FRAS1: variants seen among roughly 807,000 people sequenced by gnomAD.
The protein encoded by FRAS1 is extracellular matrix organizing protein FRAS1.
In FRAS1, 290 loss-of-function variants were observed where a neutral mutation model predicts 435.2. That is an observed-to-expected ratio of 0.67 (90% CI 0.61 to 0.73). The LOEUF (loss-of-function observed/expected upper bound fraction) is 0.73. Among genes scored for constraint, FRAS1 ranks in the 30% least tolerant of loss-of-function variants. The pLI, the probability that FRAS1 is intolerant of heterozygous loss-of-function variation, is 0.00. For synonymous variants in FRAS1, 1,800 were observed against 1,851.0 expected, an observed-to-expected ratio of 0.97 and a Z score of 0.71; for missense variants, 4,860 against 5,001.5, an observed-to-expected ratio of 0.97 and a Z score of 0.85.
chr4:78,534,488 T>C lies in FRAS1; in HGVS notation c.10965T>C (p.Pro3655=). The stretch of plus-strand genomic sequence containing the variant: ...TTGCATTCCAGCAGACCAACCGCCC[T>C]GTGCCAGTTGTGTATTCACTTAACA... ...IPIAFQQTNR[P]VPVVYSLNTE... The change falls in exon 71 of 74, where the codon CCT becomes CCC. Residue 3655 remains proline, a synonymous_variant. Coordinates refer to ENST00000512123, the MANE Select transcript of FRAS1 (RefSeq NM_025074.7). The C allele has an allele frequency of 6.2e-7, 1 of 1,613,714 alleles. No individual in the cohort carries two copies. The highest frequency in any genetic ancestry group is 1.1e-5 in the South Asian group (1 of 91,028).
chr4:78,534,594 T>C lies in FRAS1; in HGVS notation c.11071T>C (p.Tyr3691His), dbSNP rs761174927. 6.2e-7 allele frequency: 1 copy of C among 1,613,072 alleles called. No individual in the cohort carries two copies. Among genetic ancestry groups the C allele is most frequent in the Non-Finnish European group, 8.5e-7 (1 of 1,179,352 alleles). The change falls in exon 71 of 74, where the codon TAC becomes CAC. Residue 3691 changes from tyrosine (Y) to histidine (H), a missense_variant. Physicochemically the swap from Tyr to His is moderately conservative, Grantham distance 83. Coordinates refer to ENST00000512123, the MANE Select transcript of FRAS1 (RefSeq NM_025074.7). Reference protein sequence around the residue: ...TSDMSLAEMDYKGAFSKGQIL... With the variant: ...TSDMSLAEMDHKGAFSKGQIL... ...TGATATGTCACTAGCAGAAATGGAT[T>C]ACAAAGGAGCCTTTTCAAAAGGTGA...
intron 12 of FRAS1, among the ~76,000 whole-genome samples, chr4:78,283,937 G>T (rs182587878): frequency 2.0e-5 from 3 of 152,146 alleles, no homozygotes; most frequent in African/African-American, 7.2e-5. Context: ...TTGAAATTTT[G>T]GAGAAAAAGA....
intron 37 of FRAS1, 134 bp from the exon 38 acceptor site, chr4:78,432,223 G>A (rs1343317507): frequency 1.9e-5 from 14 of 724,210 alleles, no homozygotes; most frequent in Non-Finnish European, 2.9e-5. Flanking sequence ...TAGTAGGTGA[G>A]TGGTTGGATT....
At chr4:78,405,335 A>C (rs913759920) in intron 30 of FRAS1, among the ~76,000 whole-genome samples, 7 of 152,222 alleles carry the variant, frequency 4.6e-5, no homozygotes, top group Admixed American at 1.3e-4. Flanking sequence ...AATAGTCCAC[A>C]TCCTAGAAAT....
rs1408446332 is a variant in FRAS1 at position 78,521,644 on chromosome 4, CG to C, written c.10648+15del. On this transcript the variant is annotated intron_variant, in intron 68 of 73. Transcript: ENST00000512123. ...CCAAATTCAGAGGTAATATCAATGC[CG>C]TTTTTTTTTTCCAACTTTTTATTAA... 9 of 1,500,956 alleles carry C rather than the reference CG, an allele frequency of 6.0e-6. No homozygotes were observed. The highest frequency in any genetic ancestry group is 1.9e-5 in the Admixed American group (1 of 52,172). The allele number at this position is 1,500,956 out of a possible 1,614,324, so 93.0% of individuals were successfully genotyped here. A position where few individuals can be genotyped will look rare whatever the true frequency, so the allele number is the denominator to read the frequency against.
chr4:78,543,872 C>T lies in FRAS1; in HGVS notation c.*2748C>T, dbSNP rs1421301723. 6.6e-6 allele frequency: 1 copy of T among 152,510 alleles called. No homozygotes were observed. Among genetic ancestry groups the T allele is most frequent in the Non-Finnish European group, 1.5e-5 (1 of 68,044 alleles). 9.4% of individuals were successfully genotyped at this position (152,510 alleles called of 1,614,324 possible). On this transcript the variant is annotated 3_prime_UTR_variant, in exon 74 of 74. Transcript: ENST00000512123. The stretch of plus-strand genomic sequence containing the variant: ...TATCTTGCCTTCAAGTGAGAAGGAA[C>T]AAACAACTCTCAGTGGTTACTACTT...
At chr4:78,102,371 T>C (rs1229118129) in intron 2 of FRAS1, among the ~76,000 whole-genome samples, 8 of 152,226 alleles carry the variant, frequency 5.3e-5, no homozygotes, top group Non-Finnish European at 1.0e-4. Context: ...CGGAGAGCAC[T>C]AATGGCTCAA....
intron 15 of FRAS1, among the ~76,000 whole-genome samples, chr4:78,308,695 A>G (rs933060366): frequency 1.3e-5 from 2 of 152,234 alleles, no homozygotes; most frequent in Non-Finnish European, 2.9e-5. Context: ...GGCCATAACA[A>G]TGAGAGTTAA....
Position 78,446,845 on chromosome 4 carries a change from A to G in FRAS1, c.5975A>G (p.Glu1992Gly). The G allele has an allele frequency of 6.2e-7, 1 of 1,611,810 alleles. No individual in the cohort carries two copies. Among genetic ancestry groups the G allele is most frequent in the Non-Finnish European group, 8.5e-7 (1 of 1,179,004 alleles). The part of the protein sequence containing the change: ...SLQDLDTPDN[E>G]LIFVLTKKPD... ...CAAGACCTGGACACCCCAGATAATGAGCTCATTTTTGTATTGACAAAAAAG... is the reference window on the plus strand; with the variant it reads ...CAAGACCTGGACACCCCAGATAATGGGCTCATTTTTGTATTGACAAAAAAG... Residue 1992 changes from glutamate (E) to glycine (G), a missense_variant, in exon 43 of 74, where the codon GAG (glutamate) becomes GGG (glycine). Transcript: ENST00000512123.
At chr4:78,303,441 C>A (rs886245335) in intron 14 of FRAS1, among the ~76,000 whole-genome samples, 1 of 152,150 alleles carries the variant, frequency 6.6e-6, no homozygotes, top group Non-Finnish European at 1.5e-5. Flanking sequence ...CTGTAAATTA[C>A]GTTGGGCAGT....
At chr4:78,288,700 C>T (rs1727737272) in intron 14 of FRAS1, among the ~76,000 whole-genome samples, 1 of 151,868 alleles carries the variant, frequency 6.6e-6, no homozygotes, top group Non-Finnish European at 1.5e-5. Context: ...AAAAACAGAG[C>T]AAAAGGAGAG....
At position 78,318,833 on chromosome 4, in the gene FRAS1, T is replaced by C; in HGVS notation, c.1984T>C (p.Cys662Arg). Reference sequence around the variant, plus strand: ...AGCCTGTCACTCCTCCTGCCTGGCTTGTATGGGTCCCGCACCCTCTCACTG... The same window carrying C: ...AGCCTGTCACTCCTCCTGCCTGGCTCGTATGGGTCCCGCACCCTCTCACTG... Reference protein sequence around the residue: ...CKACHSSCLACMGPAPSHCTG... With the variant: ...CKACHSSCLARMGPAPSHCTG... The change falls in exon 18 of 74, where the codon TGT becomes CGT. Residue 662 changes from cysteine (C) to arginine (R), a missense_variant. Physicochemically the swap from Cys to Arg is radical, Grantham distance 180 (BLOSUM62 -3). Coordinates refer to ENST00000512123, the MANE Select transcript of FRAS1 (RefSeq NM_025074.7). 1 of 1,594,298 alleles carries C rather than the reference T, an allele frequency of 6.3e-7. No individual in the cohort carries two copies. Among genetic ancestry groups the C allele is most frequent in the Non-Finnish European group, 8.6e-7 (1 of 1,168,740 alleles).
rs35933858 is a variant in FRAS1 at position 78,513,531 on chromosome 4, T to G, written c.10153T>G (p.Tyr3385Asp). Reference protein sequence around the residue: ...QHVCSNLVTTYDLRGISEAGF... With the variant: ...QHVCSNLVTTDDLRGISEAGF... The stretch of plus-strand genomic sequence containing the variant: ...CGTCTGCTCCAATTTAGTTACCACC[T>G]ATGACCTGAGAGGCATCTCAGGTGA... The change falls in exon 65 of 74, where the codon TAT becomes GAT. Residue 3385 changes from tyrosine to aspartate, a missense_variant. Coordinates refer to ENST00000512123, the MANE Select transcript of FRAS1 (RefSeq NM_025074.7). 0.18 allele frequency: 290,435 copies of G among 1,612,772 alleles called. 29,451 individuals carry two copies. The highest frequency in any genetic ancestry group is 0.21 in the Non-Finnish European group (249,835 of 1,178,980).
intron 25 of FRAS1, 34 bp downstream of exon 25, chr4:78,374,285 A>C: frequency 1.9e-6 from 3 of 1,542,420 alleles, no homozygotes; most frequent in Non-Finnish European, 2.7e-6. Flanking sequence ...TCTGGAAAGA[A>C]GTGAGGGCAG....
chr4:78,522,587 G>C, intron 68 of FRAS1, 62 bp from the exon 69 acceptor site: 4 of 1,381,952 alleles, frequency 2.9e-6, no homozygotes, highest in South Asian at 2.6e-5. Flanking sequence ...GCTCTACCAG[G>C]TACAGTCAAA....
At chr4:78,103,210 T>A (rs543167836) in intron 2 of FRAS1, among the ~76,000 whole-genome samples, 1 of 152,348 alleles carries the variant, frequency 6.6e-6, no homozygotes, top group South Asian at 2.1e-4. Context: ...GTGGATAAAC[T>A]CATGGTATTG....
chr4:78,105,131 A>G (rs1438351721), intron 2 of FRAS1, among the ~76,000 whole-genome samples: 3 of 152,190 alleles, frequency 2.0e-5, no homozygotes, highest in Non-Finnish European at 2.9e-5. Context: ...TATGCCCACC[A>G]GTCTGAAAGA....
chr4:78,149,867 C>A (rs754827973), intron 2 of FRAS1, among the ~76,000 whole-genome samples: 1 of 152,238 alleles, frequency 6.6e-6, no homozygotes, highest in Admixed American at 6.5e-5. Context: ...ATCATCTGCA[C>A]GATCTGCACC....
chr4:78,066,283 C>G (rs1324941906), intron 2 of FRAS1, among the ~76,000 whole-genome samples: 1 of 152,096 alleles, frequency 6.6e-6, no homozygotes, highest in East Asian at 1.9e-4. Context: ...TCTTTGTGTT[C>G]TTTTAATCAG....
Sources: gnomAD v4.1 joint callset for allele counts (sites outside exome capture counted in the v4.1 genomes callset) on GRCh38, gnomAD v4.1.1 for gene constraint, MANE v1.5 for transcripts, NCBI Gene and HGNC (gene_info 2026-07-23, HGNC 2026-07-21) for gene names.